Variants in LHCGR observed in about 807,000 individuals in gnomAD.
LHCGR encodes the protein lutropin-choriogonadotropic hormone receptor.
In LHCGR, 55 loss-of-function variants were observed where a neutral mutation model predicts 60.7. That is an observed-to-expected ratio of 0.91 (90% CI 0.73 to 1.13). The LOEUF is 1.13. LHCGR is among the 50% of genes most tolerant of loss of function. The pLI, the probability that LHCGR is intolerant of heterozygous loss-of-function variation, is 0.00. For missense variants in LHCGR, 862 were observed against 836.0 expected (o/e 1.03, Z -0.38); for synonymous variants, 337 against 316.5 (o/e 1.06, Z -0.69).
At chr2:48,715,912 C>G (rs548164782) in intron 6 of LHCGR, among the ~76,000 whole-genome samples, 48 of 152,270 alleles carry the variant, frequency 3.2e-4, no homozygotes, top group African/African-American at 1.2e-3. Flanking sequence ...TGGGGCCTCA[C>G]AGAATGCCTG....
intron 3 of LHCGR, among the ~76,000 whole-genome samples, chr2:48,726,559 T>C (rs1668738518): frequency 1.3e-5 from 2 of 152,234 alleles, no homozygotes; most frequent in South Asian, 4.1e-4. Context: ...TGCTAAGTCC[T>C]GTCTACTTTG....
chr2:48,693,593 A>G (rs147689357), intron 10 of LHCGR, among the ~76,000 whole-genome samples: 1 of 152,290 alleles, frequency 6.6e-6, no homozygotes, highest in Non-Finnish European at 1.5e-5. Context: ...AAAACTTCTA[A>G]ATCTTAGTAA....
At chr2:48,732,487 G>A (rs910399361) in intron 1 of LHCGR, among the ~76,000 whole-genome samples, 1 of 152,190 alleles carries the variant, frequency 6.6e-6, no homozygotes, top group African/African-American at 2.4e-5. Flanking sequence ...ACACCCATTT[G>A]TGACCTTCTT....
At chr2:48,703,932 G>A (rs974221150) in intron 8 of LHCGR, among the ~76,000 whole-genome samples, 5 of 152,144 alleles carry the variant, frequency 3.3e-5, no homozygotes, top group African/African-American at 9.7e-5. Flanking sequence ...ATGTTGAATA[G>A]GAGTGGTGAG....
In LHCGR at chr2:48,687,381, A is replaced by G. The variant is rs1679944875; in HGVS notation, c.*316T>C. 1.0e-5 allele frequency: 3 copies of G among 300,256 alleles called. No homozygotes were observed. The highest frequency in any genetic ancestry group is 1.3e-5 in the Non-Finnish European group (2 of 159,758). 18.6% of individuals were successfully genotyped at this position (300,256 alleles called of 1,614,324 possible). A position where few individuals can be genotyped will look rare whatever the true frequency, so the allele number is the denominator to read the frequency against. On this transcript the variant is annotated 3_prime_UTR_variant, in exon 11 of 11. Transcript: ENST00000294954. Reference sequence around the variant, plus strand: ...TTATAGAATGCAATACAAATTACGAAAATGAAAAAAAAGATATGCAAAATA... The same window carrying G: ...TTATAGAATGCAATACAAATTACGAGAATGAAAAAAAAGATATGCAAAATA...
intron 6 of LHCGR, chr2:48,721,875 G>C (rs1009323361): frequency 1.6e-5 from 7 of 443,652 alleles, no homozygotes; most frequent in Non-Finnish European, 3.2e-5. Context: ...ATGAGGCCGG[G>C]GGGTGGTGAC....
At chr2:48,704,066 A>G (rs1011632142) in intron 8 of LHCGR, among the ~76,000 whole-genome samples, 1 of 152,202 alleles carries the variant, frequency 6.6e-6, no homozygotes, top group African/African-American at 2.4e-5. Flanking sequence ...CATTCCATAA[A>G]TACCTAGTTT....
In LHCGR at chr2:48,688,485, C is replaced by T; in HGVS notation, c.1312G>A (p.Gly438Arg). ...GTGAAAAAGCCAGCAGTGCTGCACC[C>T]ACTCCCTGTCTGCCAGTCTATGGCA... ...NHAIDWQTGSGCSTAGFFTVF... is the reference protein window; with the variant it reads ...NHAIDWQTGSRCSTAGFFTVF... Residue 438 changes from glycine to arginine, a missense_variant, in exon 11 of 11, where the codon GGG becomes AGG. Coordinates refer to ENST00000294954, the MANE Select transcript of LHCGR (RefSeq NM_000233.4). The surrounding 1 kb of genome is among the most constrained non-coding windows in gnomAD (Gnocchi z 5.2). 6.2e-7 allele frequency: 1 copy of T among 1,614,184 alleles called. No individual in the cohort carries two copies. The highest frequency in any genetic ancestry group is 8.5e-7 in the Non-Finnish European group (1 of 1,180,034).
At chr2:48,715,819 A>T (rs1215638465) in intron 6 of LHCGR, among the ~76,000 whole-genome samples, 1 of 152,194 alleles carries the variant, frequency 6.6e-6, no homozygotes, top group Non-Finnish European at 1.5e-5. Context: ...ATAACTAGAG[A>T]TTACAAAATA....
At chr2:48,711,229 A>G (rs983739317) in intron 7 of LHCGR, among the ~76,000 whole-genome samples, 1 of 152,158 alleles carries the variant, frequency 6.6e-6, no homozygotes, top group Non-Finnish European at 1.5e-5. Context: ...TTCACCCCTC[A>G]TACTCTCTCA....
At chr2:48,730,504 C>T (rs1250692139) in intron 2 of LHCGR, among the ~76,000 whole-genome samples, 1 of 152,202 alleles carries the variant, frequency 6.6e-6, no homozygotes, top group African/African-American at 2.4e-5. Context: ...GTAGCATCTT[C>T]TTTAGAGATG....
At chr2:48,705,591 A>C (rs1354353134) in intron 8 of LHCGR, among the ~76,000 whole-genome samples, 2 of 152,192 alleles carry the variant, frequency 1.3e-5, no homozygotes, top group African/African-American at 4.8e-5. Context: ...GGGTGCATAT[A>C]TATTTAGGAG....
rs374887535 is a variant in LHCGR, at chr2:48,735,763, G to A, written c.162-4465C>T. 5.1e-4 allele frequency among the ~76,000 whole-genome samples: 78 copies of A among 152,286 alleles called. 4 individuals carry two copies. In the South Asian group the frequency reaches 0.016, roughly 31 times the overall value. On this transcript the variant is annotated intron_variant, in intron 1 of 10. Coordinates refer to ENST00000294954, the MANE Select transcript of LHCGR (RefSeq NM_000233.4). ...ATTTCGCCAACTGCTAGGAAAGAGT[G>A]GGTGGCTGAAGCTCTCAGCTGAGTT...
chr2:48,708,728 G>A (rs1052975515), intron 8 of LHCGR: 4 of 602,480 alleles, frequency 6.6e-6, no homozygotes, highest in Non-Finnish European at 1.2e-5. Flanking sequence ...TGGACATCTA[G>A]CTTCCAGAAC....
chr2:48,689,631 C>A (rs1680107630), intron 10 of LHCGR, among the ~76,000 whole-genome samples: 1 of 152,156 alleles, frequency 6.6e-6, no homozygotes, highest in Non-Finnish European at 1.5e-5. Flanking sequence ...TTAAGAGGTA[C>A]TTTGTCCCTA....
chr2:48,751,756 C>A (rs1301062427), intron 1 of LHCGR, among the ~76,000 whole-genome samples: 1 of 152,148 alleles, frequency 6.6e-6, no homozygotes, highest in Non-Finnish European at 1.5e-5. Context: ...ATGGTTTTTG[C>A]CATTGAAAGT....
At chr2:48,732,401 T>C (rs1669034973) in intron 1 of LHCGR, among the ~76,000 whole-genome samples, 1 of 152,190 alleles carries the variant, frequency 6.6e-6, no homozygotes, top group Non-Finnish European at 1.5e-5. Context: ...ACCTCCATGA[T>C]GGGCAGATGA....
chr2:48,755,604 C>G lies in LHCGR; in HGVS notation c.68G>C (p.Arg23Pro). 1.3e-6 allele frequency: 2 copies of G among 1,533,404 alleles called. No homozygotes were observed. Among genetic ancestry groups the G allele is most frequent in the Non-Finnish European group, 8.7e-7 (1 of 1,143,102 alleles). The allele number at this position is 1,533,404 out of a possible 1,614,324, so 95.0% of individuals were successfully genotyped here. A position where few individuals can be genotyped will look rare whatever the true frequency, so the allele number is the denominator to read the frequency against. ...LLLLLQPPLPRALREALCPEP... is the reference protein window; with the variant it reads ...LLLLLQPPLPPALREALCPEP... ...AGGGCAGAGCGCCTCGCGCAGCGCT[C>G]GTGGCAGCGGCGGCTGCAGCAGCAG... The change falls in exon 1 of 11, where the codon CGA becomes CCA. Residue 23 changes from arginine to proline, a missense_variant. By Grantham distance (103) the Arg-to-Pro change is moderately radical. Transcript: ENST00000294954.
In LHCGR at chr2:48,687,169, A is replaced by T. The variant is rs73928203; in HGVS notation, c.*528T>A. The T allele has an allele frequency of 6.3e-6, 1 of 158,902 alleles. No homozygotes were observed. The highest frequency in any genetic ancestry group is 1.4e-5 in the Non-Finnish European group (1 of 72,196). 9.8% of individuals were successfully genotyped at this position (158,902 alleles called of 1,614,324 possible). ...TGGTAAGCACTAGTCACACGTAGCC[A>T]TTGAGAACTTGAAACGTGGCTAGTG... On this transcript the variant is annotated 3_prime_UTR_variant, in exon 11 of 11. Coordinates refer to ENST00000294954, the MANE Select transcript of LHCGR (RefSeq NM_000233.4).
Sources: gnomAD v4.1 joint callset for allele counts (sites outside exome capture counted in the v4.1 genomes callset) on GRCh38, gnomAD v4.1.1 for gene constraint, Gnocchi (gnomAD v3.1) non-coding constraint, MANE v1.5 for transcripts, NCBI Gene and HGNC (gene_info 2026-07-23, HGNC 2026-07-21) for gene names.